Variants in AP4B1 observed in about 807,000 individuals in gnomAD.
The protein encoded by AP4B1 is AP-4 complex subunit beta-1.
A neutral mutation model predicts 76.5 loss-of-function variants in AP4B1; 49 were observed. The ratio of observed to expected loss-of-function variants is 0.64; its 90% confidence interval spans 0.51 to 0.81. The LOEUF (loss-of-function observed/expected upper bound fraction) is 0.81, where lower values mean the gene tolerates loss of function less well. Among genes scored for constraint, AP4B1 ranks in the 40% least tolerant of loss-of-function variants. The probability of loss-of-function intolerance (pLI) is 0.00; values close to 1 mark genes in which losing one functional copy is unlikely to be tolerated. For missense variants in AP4B1, 911 were observed against 904.9 expected (o/e 1.01, Z -0.09); for synonymous variants, 330 against 333.3 (o/e 0.99, Z 0.11).
At chr1:113,902,983 C>T (rs995991356) in intron 1 of AP4B1, 121 bp from the exon 2 acceptor site, 3 of 826,014 alleles carry the variant, frequency 3.6e-6, no homozygotes, top group Non-Finnish European at 6.1e-6. Context: ...AGGGTAGCAG[C>T]CAGGATTACC....
chr1:113,899,815 C>A (rs749613350), intron 5 of AP4B1, 89 bp downstream of exon 5: 29 of 1,603,206 alleles, frequency 1.8e-5, no homozygotes, highest in Non-Finnish European at 2.4e-5. Context: ...AAGCAAGATT[C>A]ATGCCCTTTG....
intron 4 of AP4B1, 185 bp downstream of exon 4, chr1:113,901,051 A>G (rs1668182645): frequency 2.5e-6 from 2 of 789,986 alleles, no homozygotes; most frequent in Non-Finnish European, 3.9e-6. Context: ...AGGTTGCGGT[A>G]AGCCGAGATA....
At position 113,904,659 on chromosome 1, in the gene AP4B1, G is replaced by A. The variant is rs1450489337; in HGVS notation, c.59C>T (p.Pro20Leu). 2.5e-6 allele frequency: 4 copies of A among 1,613,274 alleles called. No individual in the cohort carries two copies. The African/African-American group carries it at 4.0e-5, about 16-fold the overall frequency. The change falls in exon 1 of 10, where the codon CCT (proline) becomes CTT (leucine). Residue 20 changes from proline (P) to leucine (L), a missense_variant. Pro to Leu is a moderately conservative substitution (Grantham distance 98). Coordinates refer to ENST00000369569, the MANE Select transcript of AP4B1 (RefSeq NM_001253852.3). ...VKELKKALCNPHIQADRLRYR... is the reference protein window; with the variant it reads ...VKELKKALCNLHIQADRLRYR... ...GCGCAGCCTATCAGCTTGAATGTGA[G>A]GATTGCACAGAGCCTTCTTCAGCTC... is the stretch of plus-strand genomic sequence containing the variant.
chr1:113,899,087 G>A, intron 5 of AP4B1: 1 of 1,237,020 alleles, frequency 8.1e-7, no homozygotes, highest in Non-Finnish European at 1.0e-6. Flanking sequence ...TATTTACATG[G>A]CAGCCAGATA....
chr1:113,903,152 G>A (rs912831693), intron 1 of AP4B1, among the ~76,000 whole-genome samples: 5 of 152,174 alleles, frequency 3.3e-5, no homozygotes, highest in African/African-American at 4.8e-5. Context: ...TATAAGCTCC[G>A]CTTCCCAGGT....
In AP4B1 at chr1:113,900,347, C is replaced by A; in HGVS notation, c.671G>T (p.Arg224Leu). The change falls in exon 5 of 10, where the codon CGC (arginine) becomes CTC (leucine). Residue 224 changes from arginine (R) to leucine (L), a missense_variant. By Grantham distance (102) the Arg-to-Leu change is moderately radical. Coordinates refer to ENST00000369569, the MANE Select transcript of AP4B1 (RefSeq NM_001253852.3). ...GQAEVLNFLLRYQPRSEEELF... is the reference protein window; with the variant it reads ...GQAEVLNFLLLYQPRSEEELF... ...TTCTTCCTCACTGCGGGGTTGGTAG[C>A]GTAGCAGAAAGTTCAATACTTCAGC... The A allele has an allele frequency of 6.2e-7, 1 of 1,611,078 alleles. No individual in the cohort carries two copies. The highest frequency in any genetic ancestry group is 8.5e-7 in the Non-Finnish European group (1 of 1,179,138).
intron 6 of AP4B1, among the ~76,000 whole-genome samples, chr1:113,898,509 A>G (rs1248522118): frequency 6.6e-6 from 1 of 152,244 alleles, no homozygotes; most frequent in East Asian, 1.9e-4. Context: ...TTCATTATCT[A>G]TAGTACAGCC....
rs34778731 is a variant in AP4B1 at position 113,895,824 on chromosome 1, G to A, written c.1725C>T (p.Ile575=). The change falls in exon 9 of 10, where the codon ATC becomes ATT. Residue 575 remains isoleucine (I), a synonymous_variant. Coordinates refer to ENST00000369569, the MANE Select transcript of AP4B1 (RefSeq NM_001253852.3). ...AACGCTCTGCCCCCTGGCATTTAGA[G>A]ATAGTTGCCCAGTGGGCTTTGCCAT... ...PVYGKAHWAT[I]SKCQGAERCD... 731 of 1,614,258 alleles carry A rather than the reference G, an allele frequency of 4.5e-4. 1 individual carries two copies. In the Middle Eastern group the frequency reaches 6.3e-3, roughly 14 times the overall value.
At chr1:113,898,936 A>C in intron 5 of AP4B1, 135 bp from the exon 6 acceptor site, 1 of 935,716 alleles carries the variant, frequency 1.1e-6, no homozygotes, top group Non-Finnish European at 1.6e-6. Context: ...TTCACTCCTT[A>C]CTTGATGAAC....
rs774950268 is a variant in AP4B1, at chr1:113,900,211, T to C, written c.807A>G (p.Val269=). 1 of 1,611,168 alleles carries C rather than the reference T, an allele frequency of 6.2e-7. No homozygotes were observed. The highest frequency in any genetic ancestry group is 8.5e-7 in the Non-Finnish European group (1 of 1,177,892). The change falls in exon 5 of 10, where the codon GTA becomes GTG. Residue 269 remains valine, a synonymous_variant. Transcript: ENST00000369569. ...FLILAKMFPH[V]QTDVLVRVKG... Reference sequence around the variant, plus strand: ...TGACCCGCACAAGGACATCAGTTTGTACGTGGGGAAACATTTTTGCCAAGA... The same window carrying C: ...TGACCCGCACAAGGACATCAGTTTGCACGTGGGGAAACATTTTTGCCAAGA...
chr1:113,901,775 A>G lies in AP4B1; in HGVS notation c.449T>C (p.Leu150Pro). The change falls in exon 3 of 10, where the codon CTT becomes CCT. Residue 150 changes from leucine (L) to proline (P), a missense_variant. By Grantham distance (98) the Leu-to-Pro change is moderately conservative (BLOSUM62 -3). Transcript: ENST00000369569. ...AVLGCAKMHNLHGDSEVDGAL... is the reference protein window; with the variant it reads ...AVLGCAKMHNPHGDSEVDGAL... Reference sequence around the variant, plus strand: ...CTTACCTACTTCAGAGTCTCCATGAAGATTATGCATCTTGGCACATCCAAG... The same window carrying G: ...CTTACCTACTTCAGAGTCTCCATGAGGATTATGCATCTTGGCACATCCAAG... 6.2e-7 allele frequency: 1 copy of G among 1,614,222 alleles called. No individual in the cohort carries two copies. Among genetic ancestry groups the G allele is most frequent in the Non-Finnish European group, 8.5e-7 (1 of 1,180,024 alleles).
chr1:113,900,419 A>G lies in AP4B1; in HGVS notation c.618-19T>C. 1 of 1,613,132 alleles carries G rather than the reference A, an allele frequency of 6.2e-7. No individual in the cohort carries two copies. On this transcript the variant is annotated intron_variant, in intron 4 of 9. Coordinates refer to ENST00000369569, the MANE Select transcript of AP4B1 (RefSeq NM_001253852.3). ...TGACATTCTATCCAAAAAACAAAAC[A>G]AAAGAGCTATTTTAGCAACAAAATT...
At chr1:113,904,999 TC>T, upstream of AP4B1, 1 of 445,038 alleles carries the variant, frequency 2.2e-6, no homozygotes, top group Non-Finnish European at 4.2e-6. Context: ...TTCTAGGTCC[TC>T]CGCCGGATTT....
intron 5 of AP4B1, among the ~76,000 whole-genome samples, 169 bp from the exon 6 acceptor site, chr1:113,898,970 G>C (rs1302509476): frequency 1.3e-5 from 2 of 150,840 alleles, no homozygotes; most frequent in Non-Finnish European, 2.9e-5. Context: ...TTACTATAAA[G>C]GGAACTTTGG....
chr1:113,897,020 G>T (rs1266360945), intron 7 of AP4B1: 6 of 159,096 alleles, frequency 3.8e-5, no homozygotes, highest in Non-Finnish European at 8.3e-5. Flanking sequence ...GTGCACACCT[G>T]TAGTTCCAGC....
In AP4B1 at chr1:113,900,390, G is replaced by C; in HGVS notation, c.628C>G (p.Leu210Val). The C allele has an allele frequency of 6.2e-7, 1 of 1,613,462 alleles. No individual in the cohort carries two copies. The highest frequency in any genetic ancestry group is 2.2e-5 in the East Asian group (1 of 44,868). Residue 210 changes from leucine to valine, a missense_variant, in exon 5 of 10, where the codon CTG becomes GTG. Transcript: ENST00000369569. ...AHHLLNRMSKLDQWGQAEVLN... is the reference protein window; with the variant it reads ...AHHLLNRMSKVDQWGQAEVLN... ...ACTTCAGCCTGGCCCCATTGGTCCAGTTTTGACATTCTATCCAAAAAACAA... is the reference window on the plus strand; with the variant it reads ...ACTTCAGCCTGGCCCCATTGGTCCACTTTTGACATTCTATCCAAAAAACAA...
In AP4B1 at chr1:113,904,665, C is replaced by T; in HGVS notation, c.53G>A (p.Cys18Tyr). ...CCTATCAGCTTGAATGTGAGGATTG[C>T]ACAGAGCCTTCTTCAGCTCCTTCAC... ...DVVKELKKAL[C>Y]NPHIQADRLR... The change falls in exon 1 of 10, where the codon TGC becomes TAC. Residue 18 changes from cysteine (C) to tyrosine (Y), a missense_variant. By Grantham distance (194) the Cys-to-Tyr change is radical. Coordinates refer to ENST00000369569, the MANE Select transcript of AP4B1 (RefSeq NM_001253852.3). The T allele has an allele frequency of 6.2e-7, 1 of 1,613,292 alleles. No individual in the cohort carries two copies. Among genetic ancestry groups the T allele is most frequent in the Non-Finnish European group, 8.5e-7 (1 of 1,180,034 alleles).
Position 113,898,699 on chromosome 1 carries a change from C to T in AP4B1, c.1198+19G>A, listed in dbSNP as rs745800760. ...GCACCTGACAAAAAAAACAAAAATC[C>T]TAAAAAGGCAGGCATTACCTGTGGT... On this transcript the variant is annotated intron_variant, in intron 6 of 9. Transcript: ENST00000369569. The T allele has an allele frequency of 8.1e-5, 130 of 1,603,034 alleles. No individual in the cohort carries two copies. Among genetic ancestry groups the T allele is most frequent in the Non-Finnish European group, 1.1e-4 (129 of 1,177,334 alleles).
At position 113,895,283 on chromosome 1, in the gene AP4B1, T is replaced by A. The variant is rs748913643; in HGVS notation, c.2002A>T (p.Thr668Ser). Residue 668 changes from threonine (T) to serine (S), a missense_variant, in exon 10 of 10, where the codon ACC becomes TCC. By Grantham distance (58) the Thr-to-Ser change is moderately conservative. Transcript: ENST00000369569. ...QMALQVVNIQ[T>S]IAMSRAGSRP... is the part of the protein sequence containing the mutation. ...GACCCAGCCCTACTCATTGCGATGGTCTGGATGTTCACTACTTGAAGAGCC... is the reference window on the plus strand; with the variant it reads ...GACCCAGCCCTACTCATTGCGATGGACTGGATGTTCACTACTTGAAGAGCC... 5 of 1,614,092 alleles carry A rather than the reference T, an allele frequency of 3.1e-6. No homozygotes were observed. The highest frequency in any genetic ancestry group is 1.6e-4 in the Middle Eastern group (1 of 6,084).
Sources: allele counts gnomAD v4.1 joint callset (sites outside exome capture counted in the v4.1 genomes callset), GRCh38; gene constraint gnomAD v4.1.1; transcripts MANE v1.5; gene names NCBI Gene and HGNC (gene_info 2026-07-23, HGNC 2026-07-21).